Variants in PARP8 observed in about 807,000 individuals in gnomAD.
The protein encoded by PARP8 is poly(ADP-ribose) polymerase family member 8.
A neutral mutation model predicts 124.1 loss-of-function variants in PARP8; 51 were observed. That is an observed-to-expected ratio of 0.41 (90% CI 0.33 to 0.52). The LOEUF is 0.52. PARP8 is among the 20% of genes least tolerant of loss of function. The pLI is 0.21. For missense variants in PARP8, 860 were observed against 1,018.9 expected (o/e 0.84, Z 2.12); for synonymous variants, 391 against 361.5 (o/e 1.08, Z -0.93).
chr5:50,750,127 T>A (rs1270011699), intron 2 of PARP8, 24 bp from the exon 3 acceptor site: 1 of 1,535,046 alleles, frequency 6.5e-7, no homozygotes, highest in South Asian at 1.1e-5. Context: ...AACTTGAGCC[T>A]TTTTTGTTTG....
intron 2 of PARP8, among the ~76,000 whole-genome samples, chr5:50,701,934 T>G (rs1344574876): frequency 6.6e-6 from 1 of 152,136 alleles, no homozygotes; most frequent in Admixed American, 6.5e-5. Flanking sequence ...TAGTTCTGAC[T>G]CACAAAAATA....
At position 50,797,144 on chromosome 5, in the gene PARP8, G is replaced by T. The variant is rs1742652798; in HGVS notation, c.1486G>T (p.Glu496Ter). 6.2e-7 allele frequency: 1 copy of T among 1,612,836 alleles called. No homozygotes were observed. Among genetic ancestry groups the T allele is most frequent in the Admixed American group, 1.7e-5 (1 of 59,902 alleles). ...RDRGFLVQTI[E>*]FAEQRIPVLN... ...TCCTTACTGTTTTATTCAGACAATT[G>T]AGTTTGCTGAACAGCGGATCCCTGT... Residue 496 changes from glutamate (E) to a stop codon, truncating the protein, a stop_gained, in exon 14 of 26, where the codon GAG becomes TAG. Coordinates refer to ENST00000281631, the MANE Select transcript of PARP8 (RefSeq NM_024615.4). LOFTEE classifies it high-confidence loss of function.
intron 7 of PARP8, among the ~76,000 whole-genome samples, chr5:50,764,813 CTT>C (rs5867717): frequency 1.3e-4 from 18 of 138,478 alleles, no homozygotes; most frequent in East Asian, 2.1e-4. Flanking sequence ...GTGTTTTTTT[CTT>C]TTTTTTTTTT....
At chr5:50,739,484 G>A (rs1378892465) in intron 2 of PARP8, among the ~76,000 whole-genome samples, 1 of 151,646 alleles carries the variant, frequency 6.6e-6, no homozygotes, top group Non-Finnish European at 1.5e-5. Context: ...CATCTTCCTT[G>A]TAATCCTCTT....
intron 7 of PARP8, among the ~76,000 whole-genome samples, chr5:50,765,270 A>G (rs1382464541): frequency 6.6e-6 from 1 of 152,182 alleles, no homozygotes; most frequent in Non-Finnish European, 1.5e-5. Flanking sequence ...CTCAAAAAAA[A>G]AAAGAAAGAA....
chr5:50,723,202 A>G (rs1420793523), intron 2 of PARP8, among the ~76,000 whole-genome samples: 1 of 152,144 alleles, frequency 6.6e-6, no homozygotes, highest in Non-Finnish European at 1.5e-5. Flanking sequence ...ATTAAAAAAT[A>G]TTTATAATTG....
At chr5:50,827,475 C>G (rs1317182637) in intron 19 of PARP8, among the ~76,000 whole-genome samples, 1 of 152,130 alleles carries the variant, frequency 6.6e-6, no homozygotes, top group Non-Finnish European at 1.5e-5. Context: ...CAAAAATTCT[C>G]AATTTTATAA....
chr5:50,769,943 T>C (rs1360246618), intron 7 of PARP8, among the ~76,000 whole-genome samples: 3 of 152,112 alleles, frequency 2.0e-5, no homozygotes, highest in Admixed American at 2.0e-4. Context: ...ATACATAACA[T>C]TTTTCATAAA....
intron 14 of PARP8, among the ~76,000 whole-genome samples, chr5:50,802,607 G>T (rs1053656346): frequency 6.6e-6 from 1 of 152,098 alleles, no homozygotes; most frequent in South Asian, 2.1e-4. Flanking sequence ...ATGAGCCACT[G>T]TACCCAGCCT....
chr5:50,757,498 A>G (rs1458681872), intron 3 of PARP8, among the ~76,000 whole-genome samples: 1 of 152,142 alleles, frequency 6.6e-6, no homozygotes, highest in African/African-American at 2.4e-5. Flanking sequence ...TTAATAAATA[A>G]TGTCATAAAA....
intron 2 of PARP8, among the ~76,000 whole-genome samples, chr5:50,675,555 C>T (rs1344902309): frequency 3.3e-5 from 5 of 152,286 alleles, no homozygotes; most frequent in Admixed American, 1.3e-4. Context: ...GTGATCTGCC[C>T]GCCTCGGCCT....
At chr5:50,811,832 C>T (rs1320539988) in intron 14 of PARP8, among the ~76,000 whole-genome samples, 6 of 151,942 alleles carry the variant, frequency 3.9e-5, no homozygotes, top group Non-Finnish European at 5.9e-5. Context: ...AGTGAGAACA[C>T]GCGGTGTTTG....
intron 2 of PARP8, among the ~76,000 whole-genome samples, chr5:50,725,805 C>T (rs1756369379): frequency 6.6e-6 from 1 of 152,164 alleles, no homozygotes. Context: ...AAAATATAAT[C>T]AGTGTGTTCT....
intron 14 of PARP8, among the ~76,000 whole-genome samples, chr5:50,798,170 C>T (rs1742768258): frequency 6.6e-6 from 1 of 152,096 alleles, no homozygotes; most frequent in Non-Finnish European, 1.5e-5. Context: ...GAATAATATA[C>T]ATTTTATGCA....
At chr5:50,696,717 C>A (rs6890519) in intron 2 of PARP8, among the ~76,000 whole-genome samples, 128,640 of 152,036 alleles carry the variant, frequency 0.85, 54,794 homozygotes, top group East Asian at 0.96. Context: ...TTGTTTCACG[C>A]CATCCCTAAT....
chr5:50,682,561 A>G (rs1265359902), intron 2 of PARP8, among the ~76,000 whole-genome samples: 2 of 152,142 alleles, frequency 1.3e-5, no homozygotes, highest in East Asian at 3.8e-4. Context: ...AAATATTTTA[A>G]GTTAAAAAAA....
At chr5:50,711,774 TAG>T (rs2149490053) in intron 2 of PARP8, among the ~76,000 whole-genome samples, 1 of 152,232 alleles carries the variant, frequency 6.6e-6, no homozygotes, top group Non-Finnish European at 1.5e-5. Flanking sequence ...CAATTCAGTA[TAG>T]GTTTTTGACA....
chr5:50,692,706 T>TC (rs1345900356), intron 2 of PARP8, among the ~76,000 whole-genome samples: 1 of 152,156 alleles, frequency 6.6e-6, no homozygotes, highest in Non-Finnish European at 1.5e-5. Context: ...ATACTTTTTT[T>TC]CCCTCTAATC....
intron 2 of PARP8, among the ~76,000 whole-genome samples, chr5:50,689,154 G>C (rs2149457581): frequency 6.8e-6 from 1 of 146,962 alleles, no homozygotes; most frequent in Non-Finnish European, 1.5e-5. Context: ...CCTGTTATTT[G>C]AGGTGTGATT....
Sources: gnomAD v4.1 joint callset for allele counts (sites outside exome capture counted in the v4.1 genomes callset) on GRCh38, gnomAD v4.1.1 for gene constraint, MANE v1.5 for transcripts, NCBI Gene and HGNC (gene_info 2026-07-23, HGNC 2026-07-21) for gene names.